ADAM22: variants seen among roughly 807,000 people sequenced by gnomAD.
The protein encoded by ADAM22 is disintegrin and metalloproteinase domain-containing protein 22.
ADAM22 carries 65 observed loss-of-function variants against 144.6 expected under a neutral mutation model. The ratio of observed to expected loss-of-function variants is 0.45; its 90% CI spans 0.37 to 0.55. The LOEUF (loss-of-function observed/expected upper bound fraction) is 0.55. Among genes scored for constraint, ADAM22 ranks in the 20% least tolerant of loss-of-function variants. The pLI is 0.00. For synonymous variants in ADAM22, 391 were observed against 412.6 expected (o/e 0.95, Z 0.63); for missense variants, 974 against 1,184.9 (o/e 0.82, Z 2.61).
At chr7:88,130,488 CT>C in intron 10 of ADAM22, 29 bp downstream of exon 10, 1 of 1,578,222 alleles carries the variant, frequency 6.3e-7, no homozygotes, top group South Asian at 1.1e-5. Flanking sequence ...CATTATTGCC[CT>C]AGAAGATTCT....
At chr7:87,966,533 A>G (rs760819444) in intron 2 of ADAM22, among the ~76,000 whole-genome samples, 2 of 152,202 alleles carry the variant, frequency 1.3e-5, no homozygotes, top group Non-Finnish European at 2.9e-5. Context: ...AGATGAGAAA[A>G]TAGGAGCTGG....
chr7:88,054,573 T>G (rs1185063620), intron 3 of ADAM22, among the ~76,000 whole-genome samples: 1 of 142,576 alleles, frequency 7.0e-6, no homozygotes, highest in East Asian at 2.1e-4. Flanking sequence ...TTTCCAGGCC[T>G]GATTAGGTGC....
chr7:88,173,290 T>TCTGG (rs1405780105), intron 26 of ADAM22, among the ~76,000 whole-genome samples: 2 of 152,074 alleles, frequency 1.3e-5, no homozygotes, highest in Non-Finnish European at 2.9e-5. Context: ...ATTTCATTGA[T>TCTGG]CTGGCTACTC....
At chr7:88,044,294 T>G (rs530297118) in intron 3 of ADAM22, among the ~76,000 whole-genome samples, 1 of 152,190 alleles carries the variant, frequency 6.6e-6, no homozygotes, top group African/African-American at 2.4e-5. Context: ...CATCTATGAT[T>G]ATGATGATGA....
At chr7:88,172,429 T>C (rs778150969) in intron 26 of ADAM22, among the ~76,000 whole-genome samples, 53 of 152,038 alleles carry the variant, frequency 3.5e-4, no homozygotes, top group Non-Finnish European at 7.2e-4. Context: ...AGTTCTATAC[T>C]CATGGTATTT....
intron 3 of ADAM22, among the ~76,000 whole-genome samples, chr7:88,034,876 A>AGGCTG (rs1184131402): frequency 6.6e-6 from 1 of 152,096 alleles, no homozygotes; most frequent in Non-Finnish European, 1.5e-5. Flanking sequence ...CTGTGCCATG[A>AGGCTG]GGCTGCTGCT....
chr7:88,075,973 G>A (rs1814338774), intron 4 of ADAM22, among the ~76,000 whole-genome samples: 1 of 152,006 alleles, frequency 6.6e-6, no homozygotes, highest in African/African-American at 2.4e-5. Context: ...TGTGGTTTTT[G>A]TCGTTACTTT....
chr7:87,934,572 C>T, intron 1 of ADAM22, 22 bp downstream of exon 1: 4 of 1,596,270 alleles, frequency 2.5e-6, no homozygotes, highest in Non-Finnish European at 3.4e-6. Context: ...GTCCTCTGTG[C>T]CTTTGGGCCA....
chr7:88,155,612 A>G (rs759138904), intron 21 of ADAM22, among the ~76,000 whole-genome samples: 1 of 152,138 alleles, frequency 6.6e-6, no homozygotes. Context: ...ATATAAAAGA[A>G]GCCAATTTGA....
At chr7:88,000,970 C>G (rs1792404573) in intron 3 of ADAM22, among the ~76,000 whole-genome samples, 1 of 152,134 alleles carries the variant, frequency 6.6e-6, no homozygotes, top group South Asian at 2.1e-4. Flanking sequence ...GTTTTATAGA[C>G]AAATTCCAGC....
In ADAM22 at chr7:88,019,857, A is replaced by ATGTGTG. The variant is rs35909431; in HGVS notation, c.323+41487_323+41492dup. Among the ~76,000 whole-genome samples, 623 of 139,044 alleles carry ATGTGTG rather than the reference A, an allele frequency of 4.5e-3. 5 individuals are homozygous for ATGTGTG. Among genetic ancestry groups the ATGTGTG allele is most frequent in the South Asian group, 0.012 (47 of 3,914 alleles). 91.2% of individuals were successfully genotyped at this position (139,044 alleles called of 152,430 possible). A position where few individuals can be genotyped will look rare whatever the true frequency, so the allele number is the denominator to read the frequency against. On this transcript the variant is annotated intron_variant, in intron 3 of 31. Transcript: ENST00000413139. The stretch of plus-strand genomic sequence containing the variant: ...AGAGCGTGACTCTATCTCAAAAAAT[A>ATGTGTG]TGTGTGTGTGTGTGTGTGTGTGTGT...
chr7:87,982,391 C>A (rs1853770649), intron 3 of ADAM22, among the ~76,000 whole-genome samples: 1 of 151,596 alleles, frequency 6.6e-6, no homozygotes, highest in South Asian at 2.1e-4. Context: ...GGCCCCCATG[C>A]AGAGGGAACA....
At chr7:88,077,955 C>T (rs1318015773) in intron 4 of ADAM22, among the ~76,000 whole-genome samples, 1 of 152,228 alleles carries the variant, frequency 6.6e-6, no homozygotes, top group Non-Finnish European at 1.5e-5. Context: ...ATAACCTCTG[C>T]AGACTTAAAT....
intron 20 of ADAM22, 116 bp downstream of exon 20, chr7:88,151,436 C>A: frequency 8.6e-7 from 1 of 1,166,626 alleles, no homozygotes; most frequent in Non-Finnish European, 1.3e-6. Context: ...ATTCTCAAAG[C>A]TACCACAGGT....
At chr7:88,121,113 C>A (rs549182095) in intron 7 of ADAM22, among the ~76,000 whole-genome samples, 1 of 152,184 alleles carries the variant, frequency 6.6e-6, no homozygotes, top group African/African-American at 2.4e-5. Context: ...TTTTATTTGG[C>A]TACCCTTATC....
chr7:88,095,672 G>A (rs570195038), intron 4 of ADAM22, among the ~76,000 whole-genome samples: 150 of 152,150 alleles, frequency 9.9e-4, no homozygotes, highest in African/African-American at 3.4e-3. Flanking sequence ...ATTGGCCTGC[G>A]ATAAAAATCT....
chr7:88,014,793 C>A (rs1173202387), intron 3 of ADAM22, among the ~76,000 whole-genome samples: 1 of 152,202 alleles, frequency 6.6e-6, no homozygotes, highest in African/African-American at 2.4e-5. Flanking sequence ...AGTCATCATT[C>A]CATTGAGATA....
intron 3 of ADAM22, among the ~76,000 whole-genome samples, chr7:88,048,896 T>C (rs1425401832): frequency 6.6e-6 from 1 of 152,222 alleles, no homozygotes; most frequent in African/African-American, 2.4e-5. Flanking sequence ...GTGTGTTTTG[T>C]CAGAGGGATT....
intron 3 of ADAM22, among the ~76,000 whole-genome samples, chr7:88,039,481 A>T (rs780305141): frequency 7.4e-6 from 1 of 134,722 alleles, no homozygotes; most frequent in Non-Finnish European, 1.6e-5. Context: ...ATATATATAT[A>T]TATACATTTC....
Sources: gnomAD v4.1 joint callset for allele counts (sites outside exome capture counted in the v4.1 genomes callset) on GRCh38, gnomAD v4.1.1 for gene constraint, MANE v1.5 for transcripts, NCBI Gene and HGNC (gene_info 2026-07-23, HGNC 2026-07-21) for gene names.